THSD7B: variants seen among roughly 807,000 people sequenced by gnomAD.
The protein encoded by THSD7B is thrombospondin type-1 domain-containing protein 7B.
Under a neutral mutation model 213.6 loss-of-function variants are expected in THSD7B, and 138 were observed. The ratio of observed to expected loss-of-function variants is 0.65; its 90% CI spans 0.56 to 0.74. The LOEUF is 0.74. Ranked by LOEUF, THSD7B falls within the 30% of genes least tolerant of loss-of-function variation. The pLI is 0.00. For synonymous variants in THSD7B, 742 were observed against 687.0 expected (o/e 1.08, Z -1.25); for missense variants, 1,931 against 1,991.5 (o/e 0.97, Z 0.58).
intron 15 of THSD7B, among the ~76,000 whole-genome samples, chr2:137,551,342 A>C (rs1276096922): frequency 6.6e-6 from 1 of 152,302 alleles, no homozygotes; most frequent in Non-Finnish European, 1.5e-5. Context: ...AGAAAAGCTC[A>C]TTCAAGTTCA....
At chr2:136,805,662 G>T (rs561125570) in intron 1 of THSD7B, among the ~76,000 whole-genome samples, 2 of 152,314 alleles carry the variant, frequency 1.3e-5, no homozygotes, top group East Asian at 3.9e-4. Flanking sequence ...AGGCTCCTTT[G>T]CCCATTGGCT....
intron 1 of THSD7B, among the ~76,000 whole-genome samples, chr2:136,842,000 A>T (rs972991100): frequency 1.1e-4 from 16 of 152,352 alleles, no homozygotes; most frequent in Non-Finnish European, 1.6e-4. Flanking sequence ...GGATCAGTTC[A>T]TGCAAGCAGA....
intron 17 of THSD7B, among the ~76,000 whole-genome samples, chr2:137,579,839 T>C (rs971627946): frequency 1.3e-5 from 2 of 152,098 alleles, no homozygotes; most frequent in African/African-American, 2.4e-5. Flanking sequence ...ATTGTTGTTG[T>C]TTGTACACCT....
chr2:137,529,596 C>CTTT (rs76753833), intron 15 of THSD7B, among the ~76,000 whole-genome samples: 3 of 136,832 alleles, frequency 2.2e-5, no homozygotes, highest in African/African-American at 7.8e-5. Flanking sequence ...TTCTAAGAAT[C>CTTT]TTTTTTTTTT....
intron 12 of THSD7B, among the ~76,000 whole-genome samples, chr2:137,365,342 A>G (rs1685383244): frequency 6.6e-6 from 1 of 152,248 alleles, no homozygotes. Flanking sequence ...CAAGGACTTC[A>G]TGACCAAAAC....
chr2:137,200,016 C>T (rs996873518), intron 7 of THSD7B, among the ~76,000 whole-genome samples: 2 of 152,138 alleles, frequency 1.3e-5, no homozygotes, highest in Non-Finnish European at 2.9e-5. Context: ...CACATAATTA[C>T]ATCCTTAAAA....
chr2:137,276,934 T>A (rs1682888187), intron 12 of THSD7B, among the ~76,000 whole-genome samples: 1 of 152,130 alleles, frequency 6.6e-6, no homozygotes, highest in African/African-American at 2.4e-5. Context: ...TTAAGATTGC[T>A]ATGGGGATCT....
chr2:137,315,252 TG>T (rs1009427485), intron 12 of THSD7B, among the ~76,000 whole-genome samples: 4 of 152,178 alleles, frequency 2.6e-5, no homozygotes, highest in African/African-American at 9.7e-5. Flanking sequence ...AGTATTCGGG[TG>T]GGAGTGACCC....
At chr2:137,450,796 A>G (rs751371337) in intron 14 of THSD7B, 49 bp from the exon 15 acceptor site, 4 of 1,340,136 alleles carry the variant, frequency 3.0e-6, no homozygotes, top group Non-Finnish European at 4.1e-6. Context: ...AGTGAATTTG[A>G]TCAGTACATT....
At chr2:137,097,409 G>A (rs551351003) in intron 4 of THSD7B, among the ~76,000 whole-genome samples, 7 of 152,016 alleles carry the variant, frequency 4.6e-5, no homozygotes, top group Admixed American at 6.6e-5. Flanking sequence ...ATAATATTTA[G>A]TGTGACATGG....
intron 8 of THSD7B, among the ~76,000 whole-genome samples, chr2:137,232,079 G>GA (rs530025737): frequency 2.0e-5 from 3 of 152,036 alleles, no homozygotes; most frequent in Non-Finnish European, 2.9e-5. Flanking sequence ...GAGTGAATGG[G>GA]AAAAAAATCA....
chr2:137,151,933 CTG>C (rs1001755066), intron 5 of THSD7B, among the ~76,000 whole-genome samples: 54 of 151,834 alleles, frequency 3.6e-4, no homozygotes, highest in African/African-American at 1.2e-3. Flanking sequence ...TGGCACATGA[CTG>C]TGTTTGTAGC....
chr2:137,287,235 C>T (rs147317607), intron 12 of THSD7B, among the ~76,000 whole-genome samples: 1 of 151,974 alleles, frequency 6.6e-6, no homozygotes, highest in Non-Finnish European at 1.5e-5. Flanking sequence ...AAAAAAATCT[C>T]TCCTAAATAT....
Position 136,859,023 on chromosome 2 carries a change from C to A in THSD7B, c.-35-23121C>A, listed in dbSNP as rs568185840. On this transcript the variant is annotated intron_variant, in intron 1 of 27. Coordinates refer to ENST00000409968, the MANE Select transcript of THSD7B (RefSeq NM_001316349.2). ...TGGGCTGACAGTTCCTGTTTCTTTC[C>A]CACGTGTGGGAAGGAATATGAGATT... Among the ~76,000 whole-genome samples, 30 of 152,216 alleles carry A rather than the reference C, an allele frequency of 2.0e-4. No homozygotes were observed. The South Asian group carries it at 2.9e-3, about 15-fold the overall frequency.
intron 15 of THSD7B, among the ~76,000 whole-genome samples, chr2:137,482,160 G>A (rs1211734045): frequency 6.8e-6 from 1 of 147,626 alleles, no homozygotes; most frequent in Non-Finnish European, 1.5e-5. Context: ...AGCCTGGGTG[G>A]CAGAGCAAGA....
chr2:137,538,889 T>C (rs921147967), intron 15 of THSD7B, among the ~76,000 whole-genome samples: 21 of 151,670 alleles, frequency 1.4e-4, no homozygotes, highest in African/African-American at 4.6e-4. Flanking sequence ...CCATGGTTAA[T>C]ATAGCTCCAA....
chr2:136,898,707 A>G (rs949698121), intron 2 of THSD7B, among the ~76,000 whole-genome samples: 2 of 147,488 alleles, frequency 1.4e-5, no homozygotes, highest in African/African-American at 2.5e-5. Flanking sequence ...CAGTGGCATG[A>G]TCTCGGCTCA....
At chr2:137,117,028 A>G (rs1688457474) in intron 5 of THSD7B, among the ~76,000 whole-genome samples, 1 of 152,228 alleles carries the variant, frequency 6.6e-6, no homozygotes. Flanking sequence ...ATGTAAATAC[A>G]TAGATGTGTA....
chr2:137,320,245 A>G (rs1208362939), intron 12 of THSD7B, among the ~76,000 whole-genome samples: 1 of 152,178 alleles, frequency 6.6e-6, no homozygotes, highest in East Asian at 1.9e-4. Context: ...ACTATATCAC[A>G]TTGTACTCCA....
Sources: allele counts gnomAD v4.1 joint callset (sites outside exome capture counted in the v4.1 genomes callset), GRCh38; gene constraint gnomAD v4.1.1; transcripts MANE v1.5; gene names NCBI Gene and HGNC (gene_info 2026-07-23, HGNC 2026-07-21).